Variants in RASA3 observed in about 807,000 individuals in gnomAD.
RASA3 encodes the protein ras GTPase-activating protein 3.
A neutral mutation model predicts 110.0 loss-of-function variants in RASA3; 73 were observed. The ratio of observed to expected loss-of-function variants is 0.66; its 90% confidence interval spans 0.55 to 0.81. The LOEUF (loss-of-function observed/expected upper bound fraction) is 0.81. Among genes scored for constraint, RASA3 ranks in the 30% least tolerant of loss-of-function variants. The pLI, the probability that RASA3 is intolerant of heterozygous loss-of-function variation, is 0.00. For missense variants in RASA3, 976 were observed against 1,113.2 expected (o/e 0.88, Z 1.75); for synonymous variants, 500 against 451.4 (o/e 1.11, Z -1.37).
chr13:114,040,266 G>A (rs1566514544), intron 4 of RASA3, among the ~76,000 whole-genome samples: 1 of 151,764 alleles, frequency 6.6e-6, no homozygotes, highest in Non-Finnish European at 1.5e-5. Context: ...CCACAAGCGG[G>A]TGAACACGCC....
intron 19 of RASA3, among the ~76,000 whole-genome samples, chr13:114,000,355 C>G (rs993430184): frequency 6.6e-6 from 1 of 152,092 alleles, no homozygotes. Flanking sequence ...TCACAGCTGC[C>G]GTGGCCTCAG....
rs1348093832 is a variant in RASA3, at chr13:114,014,418, C to T, written c.1405+791G>A. ...TCAGGGGTGGGGACAGCGTTTGTCT[C>T]CTGGGGACACAGAAGCGTGGACGGC... On this transcript the variant is annotated intron_variant, in intron 14 of 23. Transcript: ENST00000334062. This position sits in a 1 kb window ranked among gnomAD's most constrained non-coding sequence, Gnocchi z 4.5. Among the ~76,000 whole-genome samples the T allele has an allele frequency of 6.6e-6, 1 of 152,158 alleles. No individual in the cohort carries two copies. The highest frequency in any genetic ancestry group is 2.4e-5 in the African/African-American group (1 of 41,436).
chr13:114,082,491 T>G (rs917610685), intron 1 of RASA3, among the ~76,000 whole-genome samples: 5 of 152,190 alleles, frequency 3.3e-5, no homozygotes, highest in African/African-American at 1.2e-4. Context: ...CTCCCTGTGC[T>G]CCGAGGCTCC....
intron 3 of RASA3, among the ~76,000 whole-genome samples, chr13:114,045,432 A>G (rs566187269): frequency 2.6e-5 from 4 of 152,260 alleles, no homozygotes; most frequent in Admixed American, 2.0e-4. Flanking sequence ...CAGACGGGGG[A>G]CCAGCTGCAG....
chr13:114,126,736 G>A (rs1422611059), intron 1 of RASA3, among the ~76,000 whole-genome samples: 1 of 152,178 alleles, frequency 6.6e-6, no homozygotes, highest in Non-Finnish European at 1.5e-5. Flanking sequence ...CATCTATGAA[G>A]ATCTGAGCGG....
intron 12 of RASA3, among the ~76,000 whole-genome samples, chr13:114,016,996 C>T (rs986912986): frequency 6.6e-6 from 1 of 152,158 alleles, no homozygotes; most frequent in Admixed American, 6.5e-5. Flanking sequence ...GCATGTTCTC[C>T]TTTGTGGAGT....
intron 22 of RASA3, among the ~76,000 whole-genome samples, chr13:113,990,375 A>C (rs2053079739): frequency 6.6e-6 from 1 of 152,190 alleles, no homozygotes; most frequent in Non-Finnish European, 1.5e-5. Flanking sequence ...TGCGGGGCGC[A>C]CGGCCTAGGA....
intron 2 of RASA3, among the ~76,000 whole-genome samples, chr13:114,062,279 A>C (rs756310341): frequency 3.9e-5 from 6 of 152,174 alleles, no homozygotes; most frequent in Non-Finnish European, 8.8e-5. Flanking sequence ...TTCAATTAAA[A>C]ACAACAAATT....
Position 114,096,426 on chromosome 13 carries a change from G to GAGCC in RASA3, c.56-22593_56-22590dup, listed in dbSNP as rs1566568831. ...GGAACCCTGTGCATTGCCCATCTGT[G>GAGCC]AGCCGACCTCCTGCCTGAAGCCACC... On this transcript the variant is annotated intron_variant, in intron 1 of 23. Coordinates refer to ENST00000334062, the MANE Select transcript of RASA3 (RefSeq NM_007368.4). The surrounding 1 kb of genome is among the most constrained non-coding windows in gnomAD (Gnocchi z 5.1). Among the ~76,000 whole-genome samples, 3 of 152,072 alleles carry GAGCC rather than the reference G, an allele frequency of 2.0e-5. No individual in the cohort carries two copies. Among genetic ancestry groups the GAGCC allele is most frequent in the Non-Finnish European group, 4.4e-5 (3 of 67,998 alleles).
intron 4 of RASA3, among the ~76,000 whole-genome samples, chr13:114,030,406 G>A (rs9590528): frequency 0.15 from 8,063 of 53,732 alleles, 789 homozygotes; most frequent in African/African-American, 0.35. Flanking sequence ...CAAGACTCAC[G>A]CAGAGAGCAA....
At chr13:113,995,072 G>A (rs1390472871) in intron 21 of RASA3, among the ~76,000 whole-genome samples, 4 of 152,380 alleles carry the variant, frequency 2.6e-5, no homozygotes, top group Middle Eastern at 3.4e-3. Context: ...CGGCCTCAGC[G>A]GCTGGAGCCT....
intron 7 of RASA3, among the ~76,000 whole-genome samples, chr13:114,024,896 C>T (rs1352663987): frequency 6.6e-6 from 1 of 151,680 alleles, no homozygotes; most frequent in African/African-American, 2.4e-5. Context: ...CTCCTGACAC[C>T]TCCGCACCGT....
intron 2 of RASA3, among the ~76,000 whole-genome samples, chr13:114,064,609 C>T (rs1031715093): frequency 5.7e-4 from 87 of 152,222 alleles, no homozygotes; most frequent in African/African-American, 2.1e-3. Flanking sequence ...AAAATGAAAC[C>T]GGCTGAACGC....
intron 22 of RASA3, among the ~76,000 whole-genome samples, chr13:113,990,827 A>G (rs538209560): frequency 1.2e-3 from 179 of 152,294 alleles, no homozygotes; most frequent in African/African-American, 4.1e-3. Flanking sequence ...ATGTACCTGT[A>G]TGTTCATTTC....
chr13:114,131,889 A>G (rs907236260), intron 1 of RASA3, among the ~76,000 whole-genome samples: 1 of 152,134 alleles, frequency 6.6e-6, no homozygotes, highest in East Asian at 1.9e-4. Flanking sequence ...ACACGCGCGC[A>G]CGCAGGCACA....
In RASA3 at chr13:113,992,548, G is replaced by A. The variant is rs764289744; in HGVS notation, c.2182C>T (p.Arg728Cys). The A allele has an allele frequency of 1.3e-5, 21 of 1,613,528 alleles. No individual in the cohort carries two copies. Among genetic ancestry groups the A allele is most frequent in the Non-Finnish European group, 1.4e-5 (17 of 1,179,910 alleles). ...AGGGAGTAGATACGCTCCGTCTCACGGTCCCCATCAATGTCCAGCTGGATG... is the reference window on the plus strand; with the variant it reads ...AGGGAGTAGATACGCTCCGTCTCACAGTCCCCATCAATGTCCAGCTGGATG... ...ANIQLDIDGD[R>C]ETERIYSLFN... Residue 728 changes from arginine (R) to cysteine (C), a missense_variant, in exon 22 of 24, where the codon CGT (arginine) becomes TGT (cysteine). Transcript: ENST00000334062.
At position 114,123,142 on chromosome 13, in the gene RASA3, G is replaced by A. The variant is rs139704627; in HGVS notation, c.55+9293C>T. Among the ~76,000 whole-genome samples, 291 of 152,330 alleles carry A rather than the reference G, an allele frequency of 1.9e-3. 2 individuals are homozygous for A. Among genetic ancestry groups the A allele is most frequent in the African/African-American group, 6.9e-3 (285 of 41,568 alleles). On this transcript the variant is annotated intron_variant, in intron 1 of 23. Transcript: ENST00000334062. ...CCTGGAGCCTCAGAGGAGGGGGGCC[G>A]GAAACATGTGTCCTGCACAGTCACC...
chr13:114,116,589 T>C (rs1032149252), intron 1 of RASA3, among the ~76,000 whole-genome samples: 5 of 139,752 alleles, frequency 3.6e-5, no homozygotes, highest in Non-Finnish European at 8.1e-5. Flanking sequence ...TAAAAGTTTT[T>C]ATCACTTTAA....
intron 18 of RASA3, among the ~76,000 whole-genome samples, chr13:114,005,025 G>A (rs558043735): frequency 1.3e-5 from 2 of 152,324 alleles, no homozygotes; most frequent in African/African-American, 4.8e-5. Flanking sequence ...GAGACGAAAA[G>A]CCAAACGCCC....
Sources: allele counts gnomAD v4.1 joint callset (sites outside exome capture counted in the v4.1 genomes callset), GRCh38; gene constraint gnomAD v4.1.1; non-coding constraint Gnocchi (gnomAD v3.1); transcripts MANE v1.5; gene names NCBI Gene and HGNC (gene_info 2026-07-23, HGNC 2026-07-21).